Variants in DEAF1 observed in about 807,000 individuals in gnomAD.
DEAF1 encodes deformed epidermal autoregulatory factor 1 homolog.
DEAF1 carries 53 observed loss-of-function variants against 58.9 expected under a neutral mutation model. The ratio of observed to expected loss-of-function variants is 0.90; its 90% CI spans 0.72 to 1.13. DEAF1 has a LOEUF of 1.13. DEAF1 is among the 50% of genes most tolerant of loss of function. DEAF1 has a pLI of 0.00. For missense variants in DEAF1, 685 were observed against 791.4 expected (o/e 0.87, Z 1.61); for synonymous variants, 385 against 340.4 (o/e 1.13, Z -1.44).
At chr11:683,052 TTAC>T (rs914986157) in intron 6 of DEAF1, among the ~76,000 whole-genome samples, 7 of 152,172 alleles carry the variant, frequency 4.6e-5, no homozygotes, top group African/African-American at 1.7e-4. Flanking sequence ...TTTCCAAGAC[TTAC>T]TACATTTTCT....
chr11:697,596 A>C (rs1258736867), upstream of DEAF1: 2 of 152,238 alleles, frequency 1.3e-5, no homozygotes, highest in Admixed American at 1.3e-4. Flanking sequence ...AGCAACTAGC[A>C]GACACATTGG....
In DEAF1 at chr11:644,243, A is replaced by G; in HGVS notation, c.*307T>C. On this transcript the variant is annotated 3_prime_UTR_variant, in exon 12 of 12. Transcript: ENST00000382409. This position sits in a 1 kb window ranked among gnomAD's most constrained non-coding sequence, Gnocchi z 4.3. Reference sequence around the variant, plus strand: ...CGTGTGGGGCAGGGAGACCTTATTTACACTTTATTGACAGACACAACACGT... The same window carrying G: ...CGTGTGGGGCAGGGAGACCTTATTTGCACTTTATTGACAGACACAACACGT... 1 of 467,686 alleles carries G rather than the reference A, an allele frequency of 2.1e-6. No homozygotes were observed. The highest frequency in any genetic ancestry group is 4.0e-6 in the Non-Finnish European group (1 of 251,814). 29.0% of individuals were successfully genotyped at this position (467,686 alleles called of 1,614,324 possible).
At chr11:685,352 G>C (rs539118676) in intron 5 of DEAF1, among the ~76,000 whole-genome samples, 1 of 152,070 alleles carries the variant, frequency 6.6e-6, no homozygotes, top group South Asian at 2.1e-4. Flanking sequence ...CCGAAGTGCT[G>C]GGATTACAAG....
chr11:701,918 G>A (rs559713040), intron 1 of DEAF1, among the ~76,000 whole-genome samples: 13 of 152,332 alleles, frequency 8.5e-5, no homozygotes, highest in Non-Finnish European at 1.3e-4. Flanking sequence ...TGTGGCCAGC[G>A]GGGTGCAGAC....
At position 674,408 on chromosome 11, in the gene DEAF1, C is replaced by T; in HGVS notation, c.1503+128G>A. 1.1e-5 allele frequency: 14 copies of T among 1,281,140 alleles called. No homozygotes were observed. The South Asian group carries it at 1.6e-4, about 14-fold the overall frequency. 79.4% of individuals were successfully genotyped at this position (1,281,140 alleles called of 1,614,324 possible). ...CATTTGTAAATGACTCTCCACAGCT[C>T]CCTTTTCCAGAAAGGTGGGGCAGGG... On this transcript the variant is annotated intron_variant, in intron 10 of 11. Coordinates refer to ENST00000382409, the MANE Select transcript of DEAF1 (RefSeq NM_021008.4).
In DEAF1 at chr11:679,938, T is replaced by C. The variant is rs1860272567; in HGVS notation, c.998-122A>G. The C allele has an allele frequency of 2.2e-6, 3 of 1,355,950 alleles. No individual in the cohort carries two copies. The South Asian group carries it at 3.7e-5, about 17-fold the overall frequency. 84.0% of individuals were successfully genotyped at this position (1,355,950 alleles called of 1,614,324 possible). A position where few individuals can be genotyped will look rare whatever the true frequency, so the allele number is the denominator to read the frequency against. On this transcript the variant is annotated intron_variant, in intron 7 of 11. Coordinates refer to ENST00000382409, the MANE Select transcript of DEAF1 (RefSeq NM_021008.4). ...GGGCTGAAGGGCGGGCAGTGGTAAC[T>C]GTACCCTCCCATGTGAAGGACACGG...
intron 1 of DEAF1, 93 bp from the exon 2 acceptor site, chr11:691,691 C>G (rs1012334355): frequency 1.9e-6 from 2 of 1,055,802 alleles, no homozygotes; most frequent in African/African-American, 1.6e-5. Flanking sequence ...AAGTGACTCC[C>G]CCTCAGGTGT....
intron 1 of DEAF1, chr11:704,993 G>A (rs529247811): frequency 3.9e-6 from 1 of 255,398 alleles, no homozygotes; most frequent in Non-Finnish European, 7.8e-6. Flanking sequence ...ATCACGGCAG[G>A]TTCCTGGAGA....
chr11:687,187 C>A (rs1329564195), intron 4 of DEAF1, among the ~76,000 whole-genome samples, 190 bp from the exon 5 acceptor site: 2 of 152,244 alleles, frequency 1.3e-5, no homozygotes, highest in Non-Finnish European at 2.9e-5. Context: ...TGCCTCTGAC[C>A]CCCTACGTGA....
intron 10 of DEAF1, among the ~76,000 whole-genome samples, chr11:656,652 G>A (rs772708283): frequency 2.6e-5 from 4 of 152,184 alleles, no homozygotes; most frequent in Non-Finnish European, 5.9e-5. Flanking sequence ...CCCGGGGAGC[G>A]GCCCCCACGC....
At chr11:654,599 G>A (rs1298478383) in intron 10 of DEAF1, 1 of 455,300 alleles carries the variant, frequency 2.2e-6, no homozygotes, top group Non-Finnish European at 4.4e-6. Context: ...TATGGGCCGG[G>A]AGCAGCGGCT....
intron 2 of DEAF1, 31 bp downstream of exon 2, chr11:691,470 G>A (rs755642833): frequency 1.3e-5 from 21 of 1,598,626 alleles, no homozygotes; most frequent in Admixed American, 5.0e-5. Flanking sequence ...GGCACCACCC[G>A]CCCTGGGCTG....
Position 688,134 on chromosome 11 carries a change from TC to T in DEAF1, c.518-78del. The T allele has an allele frequency of 6.3e-7, 1 of 1,596,082 alleles. No homozygotes were observed. Among genetic ancestry groups the T allele is most frequent in the Non-Finnish European group, 8.6e-7 (1 of 1,167,404 alleles). On this transcript the variant is annotated intron_variant, in intron 3 of 11. Coordinates refer to ENST00000382409, the MANE Select transcript of DEAF1 (RefSeq NM_021008.4). The surrounding 1 kb of genome is among the most constrained non-coding windows in gnomAD (Gnocchi z 4.3). ...GTACACTCTCATCTCAGACACCACC[TC>T]CCCGGCAGCGCCACCTCCTTCAACG... is the stretch of plus-strand genomic sequence containing the variant.
upstream of DEAF1, chr11:699,870 T>C: frequency 2.3e-6 from 1 of 440,942 alleles, no homozygotes; most frequent in Non-Finnish European, 4.1e-6. Flanking sequence ...ACCAGTCCTG[T>C]CCACAGTCAG....
intron 10 of DEAF1, 144 bp from the exon 11 acceptor site, chr11:654,195 GTC>G: frequency 1.6e-6 from 1 of 635,142 alleles, no homozygotes; most frequent in South Asian, 1.7e-5. Context: ...TTGAGATGGA[GTC>G]TCACTCTGTC....
intron 11 of DEAF1, chr11:646,503 G>A (rs1301854771): frequency 6.6e-6 from 1 of 152,248 alleles, no homozygotes; most frequent in Non-Finnish European, 1.5e-5. Context: ...AGGCCCCCAG[G>A]AGTTCTAGAT....
chr11:704,399 G>C, intron 1 of DEAF1: 1 of 1,239,676 alleles, frequency 8.1e-7, no homozygotes, highest in Non-Finnish European at 1.1e-6. Flanking sequence ...GGAGCACCCA[G>C]TTGTCCTGGG....
intron 10 of DEAF1, chr11:674,061 C>G (rs1444832843): frequency 3.8e-6 from 1 of 263,478 alleles, no homozygotes; most frequent in Middle Eastern, 1.5e-3. Flanking sequence ...GCACAGGAGC[C>G]GCCTTCTGAA....
intron 10 of DEAF1, among the ~76,000 whole-genome samples, chr11:667,548 T>C (rs1163483447): frequency 6.6e-6 from 1 of 152,134 alleles, no homozygotes; most frequent in Non-Finnish European, 1.5e-5. Flanking sequence ...ATGCCTATAA[T>C]CCCAGCACTT....
Sources: allele counts gnomAD v4.1 joint callset (sites outside exome capture counted in the v4.1 genomes callset), GRCh38; gene constraint gnomAD v4.1.1; non-coding constraint Gnocchi (gnomAD v3.1); transcripts MANE v1.5; gene names NCBI Gene and HGNC (gene_info 2026-07-23, HGNC 2026-07-21).